Variants in WDR7 observed in about 807,000 individuals in gnomAD.
WDR7 encodes the protein WD repeat domain 7, also known as WD repeat-containing protein 7.
Under a neutral mutation model 169.4 loss-of-function variants are expected in WDR7, and 46 were observed. The observed-to-expected ratio is 0.27, with a 90% CI of 0.21 to 0.35. The LOEUF is 0.35. WDR7 is among the 10% of genes least tolerant of loss of function. The pLI is 1.00. For missense variants in WDR7, 1,534 were observed against 1,859.3 expected, an observed-to-expected ratio of 0.83 and a Z score of 3.22; for synonymous variants, 612 against 666.8, an observed-to-expected ratio of 0.92 and a Z score of 1.27.
intron 14 of WDR7, among the ~76,000 whole-genome samples, chr18:56,734,723 G>A (rs771474388): frequency 4.6e-5 from 7 of 151,508 alleles, no homozygotes; most frequent in Non-Finnish European, 8.8e-5. Flanking sequence ...TTGTTCATAC[G>A]TTTCCCAAAA....
chr18:57,006,920 C>A (rs928403369), intron 26 of WDR7, among the ~76,000 whole-genome samples: 1 of 151,778 alleles, frequency 6.6e-6, no homozygotes, highest in Non-Finnish European at 1.5e-5. Flanking sequence ...TGTATACAGG[C>A]ATGTACATCC....
chr18:56,690,169 A>C (rs951422552), intron 7 of WDR7, among the ~76,000 whole-genome samples: 2 of 152,198 alleles, frequency 1.3e-5, no homozygotes, highest in South Asian at 4.1e-4. Flanking sequence ...CTTTGGCTCT[A>C]TCACTTACTG....
Position 56,731,457 on chromosome 18 carries a change from G to A in WDR7, c.1849G>A (p.Ala617Thr), listed in dbSNP as rs2026585398. ...LNACDEAVPAAVDSLSHPAVN... is the reference protein window; with the variant it reads ...LNACDEAVPATVDSLSHPAVN... ...CGCTTGTGATGAAGCTGTTCCTGCTGCTGTTGATTCACTTAGTCATCCAGC... is the reference window on the plus strand; with the variant it reads ...CGCTTGTGATGAAGCTGTTCCTGCTACTGTTGATTCACTTAGTCATCCAGC... The change falls in exon 14 of 28, where the codon GCT becomes ACT. Residue 617 changes from alanine (A) to threonine (T), a missense_variant. Transcript: ENST00000254442. 1 of 1,614,174 alleles carries A rather than the reference G, an allele frequency of 6.2e-7. No homozygotes were observed.
intron 20 of WDR7, among the ~76,000 whole-genome samples, chr18:56,825,310 T>G (rs1383138244): frequency 1.3e-5 from 2 of 152,234 alleles, no homozygotes; most frequent in African/African-American, 4.8e-5. Flanking sequence ...GGCAAATAAA[T>G]AGTAATTAAC....
At chr18:56,938,813 G>T (rs1475277862) in intron 24 of WDR7, 131 bp downstream of exon 24, 2 of 759,656 alleles carry the variant, frequency 2.6e-6, no homozygotes, top group African/African-American at 4.5e-5. Context: ...GAATGAGTGT[G>T]TGTGTGTGTG....
Position 56,753,627 on chromosome 18 carries a change from CTGACAAATTGTCAAT to C in WDR7, c.1990-2953_1990-2939del, listed in dbSNP as rs1381011475. Reference sequence around the variant, plus strand: ...CCCCACCAAATTTACTGGGGGACAACTGACAAATTGTCAATTGTGTATATCCTAGGTATAGAGTGT... The same window carrying C: ...CCCCACCAAATTTACTGGGGGACAACTGTGTATATCCTAGGTATAGAGTGT... On this transcript the variant is annotated intron_variant, in intron 14 of 27. Coordinates refer to ENST00000254442, the MANE Select transcript of WDR7 (RefSeq NM_015285.3). Among the ~76,000 whole-genome samples the C allele has an allele frequency of 2.9e-5, 4 of 136,534 alleles. No homozygotes were observed. In the East Asian group the frequency reaches 1.0e-3, roughly 35 times the overall value. The allele number at this position is 136,534 out of a possible 152,430, so 89.6% of individuals were successfully genotyped here.
In WDR7 at chr18:56,999,567, A is replaced by G. The variant is rs2145881634; in HGVS notation, c.4165-21178A>G. Among the ~76,000 whole-genome samples, 3 of 152,252 alleles carry G rather than the reference A, an allele frequency of 2.0e-5. 1 individual carries two copies. The highest frequency in any genetic ancestry group is 2.0e-4 in the Admixed American group (3 of 15,290). On this transcript the variant is annotated intron_variant, in intron 26 of 27. Transcript: ENST00000254442. ...CCCCTATATTAGTCTGGGCTATCTA[A>G]GTCCTTGAAAAATCTCTAGAAAAAA...
At chr18:56,992,322 A>G (rs572604283) in intron 26 of WDR7, among the ~76,000 whole-genome samples, 1 of 152,356 alleles carries the variant, frequency 6.6e-6, no homozygotes, top group South Asian at 2.1e-4. Flanking sequence ...ATGGGAAGAA[A>G]CTATGGAATA....
chr18:57,024,312 A>G (rs138169282), intron 27 of WDR7, among the ~76,000 whole-genome samples: 2 of 152,172 alleles, frequency 1.3e-5, no homozygotes, highest in Non-Finnish European at 2.9e-5. Context: ...GCTGTTCAAG[A>G]AAACATTAAT....
intron 26 of WDR7, among the ~76,000 whole-genome samples, chr18:56,970,810 A>G (rs1297525738): frequency 6.6e-6 from 1 of 152,238 alleles, no homozygotes; most frequent in African/African-American, 2.4e-5. Context: ...CCTTATTTAT[A>G]TAACTTTTAT....
chr18:56,919,249 A>C (rs1044111703), intron 21 of WDR7, among the ~76,000 whole-genome samples: 1 of 152,158 alleles, frequency 6.6e-6, no homozygotes, highest in South Asian at 2.1e-4. Context: ...ATTCTGGCCA[A>C]TGAAATATGT....
rs533553365 is a variant in WDR7 at position 56,736,425 on chromosome 18, T to G, written c.1989+4828T>G. ...AAGTTTTCCTTTAAGAAATTCTTTT[T>G]AAGCCACATCTTCGTATGATATTAT... On this transcript the variant is annotated intron_variant, in intron 14 of 27. Transcript: ENST00000254442. Among the ~76,000 whole-genome samples the G allele has an allele frequency of 2.0e-5, 3 of 152,112 alleles. No homozygotes were observed. In the South Asian group the frequency reaches 6.2e-4, roughly 32 times the overall value.
chr18:56,657,397 C>T (rs966485435), intron 1 of WDR7, among the ~76,000 whole-genome samples: 1 of 152,168 alleles, frequency 6.6e-6, no homozygotes, highest in Non-Finnish European at 1.5e-5. Context: ...TATCCTCCCA[C>T]CTAGGCCTCC....
intron 14 of WDR7, among the ~76,000 whole-genome samples, chr18:56,746,548 C>G (rs563311840): frequency 6.6e-6 from 1 of 152,266 alleles, no homozygotes; most frequent in East Asian, 1.9e-4. Context: ...CTGGCTAACT[C>G]CTACTCATCT....
rs539607727 is a variant in WDR7 at position 56,936,168 on chromosome 18, A to G, written c.3831+263A>G. ...ATAAATATTTGACAATCATTTTTCA[A>G]TCTGAATTACAGCAGGCATATGAAA... On this transcript the variant is annotated intron_variant, in intron 23 of 27. Coordinates refer to ENST00000254442, the MANE Select transcript of WDR7 (RefSeq NM_015285.3). 1.3e-5 allele frequency: 5 copies of G among 397,360 alleles called. No individual in the cohort carries two copies. In the South Asian group the frequency reaches 1.6e-4, roughly 13 times the overall value. The allele number at this position is 397,360 out of a possible 1,614,324, so 24.6% of individuals were successfully genotyped here.
rs1404742486 is a variant in WDR7 at position 57,028,407 on chromosome 18, CATA to C, written c.*1206_*1208del. The C allele has an allele frequency of 6.6e-6, 1 of 151,674 alleles. No homozygotes were observed. Among genetic ancestry groups the C allele is most frequent in the Non-Finnish European group, 1.5e-5 (1 of 68,012 alleles). 9.4% of individuals were successfully genotyped at this position (151,674 alleles called of 1,614,324 possible). A position where few individuals can be genotyped will look rare whatever the true frequency, so the allele number is the denominator to read the frequency against. On this transcript the variant is annotated 3_prime_UTR_variant, in exon 28 of 28. Coordinates refer to ENST00000254442, the MANE Select transcript of WDR7 (RefSeq NM_015285.3). ...ATGTCAGATTGTGCTGGTTCTAGCTCATAATAATGAAAAAAATAGAATTATATT... is the reference window on the plus strand; with the variant it reads ...ATGTCAGATTGTGCTGGTTCTAGCTCATAATGAAAAAAATAGAATTATATT...
At chr18:56,869,795 T>G (rs999047181) in intron 20 of WDR7, among the ~76,000 whole-genome samples, 5 of 152,214 alleles carry the variant, frequency 3.3e-5, no homozygotes, top group Non-Finnish European at 5.9e-5. Context: ...CCATGTACAA[T>G]TTTATTTTTT....
chr18:56,766,888 T>C (rs1486679075), intron 16 of WDR7, among the ~76,000 whole-genome samples: 1 of 152,232 alleles, frequency 6.6e-6, no homozygotes, highest in Admixed American at 6.5e-5. Context: ...TTAATTATTC[T>C]CCTCCTTGTG....
At chr18:56,725,936 G>C (rs2026440917) in intron 13 of WDR7, among the ~76,000 whole-genome samples, 1 of 152,134 alleles carries the variant, frequency 6.6e-6, no homozygotes, top group African/African-American at 2.4e-5. Flanking sequence ...TCTTGTTTTT[G>C]TGAGGTTTGT....
Sources: gnomAD v4.1 joint callset for allele counts (sites outside exome capture counted in the v4.1 genomes callset) on GRCh38, gnomAD v4.1.1 for gene constraint, MANE v1.5 for transcripts, NCBI Gene and HGNC (gene_info 2026-07-23, HGNC 2026-07-21) for gene names.